The following TRERF1 variants were observed in gnomAD, a reference collection of about 807,000 sequenced individuals.
TRERF1 encodes the protein transcriptional-regulating factor 1.
A neutral mutation model predicts 122.9 loss-of-function variants in TRERF1; 27 were observed. The observed-to-expected ratio is 0.22, with a 90% CI of 0.16 to 0.30. TRERF1 has a LOEUF of 0.30. Among genes scored for constraint, TRERF1 ranks in the 10% least tolerant of loss-of-function variants. TRERF1 has a pLI of 1.00. For missense variants in TRERF1, 1,248 were observed against 1,560.3 expected (o/e 0.80, Z 3.37); for synonymous variants, 636 against 641.7 (o/e 0.99, Z 0.13).
At chr6:42,384,579 T>C (rs1776477800) in intron 2 of TRERF1, among the ~76,000 whole-genome samples, 1 of 152,164 alleles carries the variant, frequency 6.6e-6, no homozygotes, top group Non-Finnish European at 1.5e-5. Flanking sequence ...CTTCATAACT[T>C]GCAAATTTTA....
chr6:42,263,914 A>G lies in TRERF1; in HGVS notation c.1636-346T>C, dbSNP rs1362953373. On this transcript the variant is annotated intron_variant, in intron 7 of 17. Transcript: ENST00000372922. This position sits in a 1 kb window ranked among gnomAD's most constrained non-coding sequence, Gnocchi z 5.6. ...ATCTTGTGTAGGAGTTTTTAATTCTATGGGCCTTAGTTCACTCATTTGTCA... is the reference window on the plus strand; with the variant it reads ...ATCTTGTGTAGGAGTTTTTAATTCTGTGGGCCTTAGTTCACTCATTTGTCA... 3.9e-5 allele frequency among the ~76,000 whole-genome samples: 6 copies of G among 152,234 alleles called. No homozygotes were observed. Among genetic ancestry groups the G allele is most frequent in the Non-Finnish European group, 8.8e-5 (6 of 68,042 alleles).
intron 3 of TRERF1, among the ~76,000 whole-genome samples, chr6:42,325,547 A>C (rs2150508959): frequency 6.6e-6 from 1 of 152,350 alleles, no homozygotes; most frequent in East Asian, 1.9e-4. Context: ...AATGTGGCAC[A>C]TATATGCCAT....
At chr6:42,280,437 C>T (rs1208527474) in intron 4 of TRERF1, among the ~76,000 whole-genome samples, 1 of 152,182 alleles carries the variant, frequency 6.6e-6, no homozygotes, top group East Asian at 1.9e-4. Context: ...CAGGGGGAGC[C>T]CTGGCTCGCT....
chr6:42,359,598 C>T (rs1027897697), intron 3 of TRERF1, among the ~76,000 whole-genome samples: 5 of 152,190 alleles, frequency 3.3e-5, no homozygotes, highest in African/African-American at 1.2e-4. Flanking sequence ...GTGGCGTGCG[C>T]CTGCAGTCCC....
chr6:42,290,561 A>G (rs1784122548), intron 4 of TRERF1, among the ~76,000 whole-genome samples: 1 of 151,982 alleles, frequency 6.6e-6, no homozygotes, highest in Non-Finnish European at 1.5e-5. Context: ...GTGATGGTGT[A>G]TTGACAACAC....
At chr6:42,365,515 C>T (rs1307563759) in intron 2 of TRERF1, among the ~76,000 whole-genome samples, 1 of 152,174 alleles carries the variant, frequency 6.6e-6, no homozygotes, top group Non-Finnish European at 1.5e-5. Context: ...CATGCCTCTT[C>T]CCGCATGAGA....
At chr6:42,394,247 C>A (rs1031590945) in intron 2 of TRERF1, among the ~76,000 whole-genome samples, 1 of 152,164 alleles carries the variant, frequency 6.6e-6, no homozygotes, top group East Asian at 1.9e-4. Flanking sequence ...CAACTCTCCC[C>A]CCACAACACA....
intron 2 of TRERF1, among the ~76,000 whole-genome samples, chr6:42,405,833 A>G (rs1344008396): frequency 1.3e-5 from 2 of 151,782 alleles, no homozygotes; most frequent in Admixed American, 6.6e-5. Flanking sequence ...AAAATAAAAA[A>G]AAAATAGGGA....
intron 4 of TRERF1, among the ~76,000 whole-genome samples, chr6:42,299,116 C>CTGTCTGTATCTA (rs10627056): frequency 7.1e-5 from 10 of 141,680 alleles, no homozygotes; most frequent in East Asian, 5.9e-4. Context: ...GTCTGTCTGT[C>CTGTCTGTATCTA]TCTATCTATC....
chr6:42,257,028 G>A (rs769812336), exon 11 of TRERF1: 3 of 1,614,188 alleles, frequency 1.9e-6, no homozygotes, highest in Non-Finnish European at 2.5e-6. Context: ...GGCCTTGTGT[G>A]TGTCCTGGGC....
intron 3 of TRERF1, among the ~76,000 whole-genome samples, chr6:42,328,732 T>A (rs1019766297): frequency 4.6e-5 from 7 of 152,166 alleles, no homozygotes; most frequent in Non-Finnish European, 1.0e-4. Context: ...AAGAATCTGC[T>A]CTGCTGAAAG....
At chr6:42,322,702 G>A (rs966884180) in intron 3 of TRERF1, among the ~76,000 whole-genome samples, 5 of 152,200 alleles carry the variant, frequency 3.3e-5, no homozygotes, top group Non-Finnish European at 7.3e-5. Context: ...ATGAGACTAA[G>A]TATGAAGGGC....
chr6:42,394,698 A>C (rs1307592713), intron 2 of TRERF1, among the ~76,000 whole-genome samples: 1 of 152,150 alleles, frequency 6.6e-6, no homozygotes, highest in Non-Finnish European at 1.5e-5. Context: ...AAAAAATTTC[A>C]ATTCAACTTT....
At chr6:42,403,122 A>T (rs1396218211) in intron 2 of TRERF1, among the ~76,000 whole-genome samples, 1 of 152,076 alleles carries the variant, frequency 6.6e-6, no homozygotes, top group Non-Finnish European at 1.5e-5. Flanking sequence ...CGAGACAGAG[A>T]CAGCAAACCT....
At chr6:42,229,416 G>C (rs1052625105) in intron 17 of TRERF1, among the ~76,000 whole-genome samples, 1 of 152,196 alleles carries the variant, frequency 6.6e-6, no homozygotes, top group Non-Finnish European at 1.5e-5. Flanking sequence ...GTGATTACAC[G>C]TGTGAACCAC....
intron 3 of TRERF1, among the ~76,000 whole-genome samples, chr6:42,309,156 A>AAAAGGC (rs1787801743): frequency 6.6e-6 from 1 of 152,172 alleles, no homozygotes; most frequent in African/African-American, 2.4e-5. Flanking sequence ...AACACAGCCT[A>AAAAGGC]AAAGGCAGGG....
At chr6:42,415,566 G>C (rs1159026235) in intron 2 of TRERF1, among the ~76,000 whole-genome samples, 1 of 152,088 alleles carries the variant, frequency 6.6e-6, no homozygotes, top group East Asian at 1.9e-4. Flanking sequence ...GCATGTATTA[G>C]GGATCCTGCT....
At chr6:42,229,245 C>T (rs551905582) in intron 17 of TRERF1, among the ~76,000 whole-genome samples, 1 of 152,284 alleles carries the variant, frequency 6.6e-6, no homozygotes, top group Admixed American at 6.5e-5. Flanking sequence ...TCAAGTGATC[C>T]TCCCACCTGA....
chr6:42,238,041 C>T (rs1772666861), intron 15 of TRERF1, among the ~76,000 whole-genome samples: 1 of 152,196 alleles, frequency 6.6e-6, no homozygotes, highest in South Asian at 2.1e-4. Context: ...AAGCAGCCAG[C>T]CTCTTACTAG....
Sources: allele counts gnomAD v4.1 joint callset (sites outside exome capture counted in the v4.1 genomes callset), GRCh38; gene constraint gnomAD v4.1.1; non-coding constraint Gnocchi (gnomAD v3.1); transcripts MANE v1.5; gene names NCBI Gene and HGNC (gene_info 2026-07-23, HGNC 2026-07-21).